The following PCDHGA4 variants were observed in gnomAD, a reference collection of about 807,000 sequenced individuals.
The protein encoded by PCDHGA4 is protocadherin gamma-A4.
PCDHGA4 carries 38 observed loss-of-function variants against 54.6 expected under a neutral mutation model. The ratio of observed to expected loss-of-function variants is 0.70; its 90% CI spans 0.54 to 0.91. The LOEUF (loss-of-function observed/expected upper bound fraction) is 0.91. PCDHGA4 is among the 40% of genes least tolerant of loss of function. PCDHGA4 has a pLI of 0.00. For synonymous variants in PCDHGA4, 511 were observed against 512.9 expected, an observed-to-expected ratio of 1.00 and a Z score of 0.05; for missense variants, 1,298 against 1,220.9, an observed-to-expected ratio of 1.06 and a Z score of -0.94.
At chr5:141,439,183 ACT>A (rs1255299140) in intron 1 of PCDHGA4, among the ~76,000 whole-genome samples, 3 of 145,262 alleles carry the variant, frequency 2.1e-5, no homozygotes, top group Non-Finnish European at 3.0e-5. Context: ...ACATAGTGAG[ACT>A]CTGACAAAAA....
intron 1 of PCDHGA4, chr5:141,389,157 C>G: frequency 6.2e-7 from 1 of 1,613,976 alleles, no homozygotes; most frequent in African/African-American, 1.3e-5. Flanking sequence ...GGCAACAGAT[C>G]GGGGCAAGCC....
At chr5:141,373,462 G>C (rs1769608771) in intron 1 of PCDHGA4, among the ~76,000 whole-genome samples, 1 of 152,218 alleles carries the variant, frequency 6.6e-6, no homozygotes, top group African/African-American at 2.4e-5. Context: ...GGTAGCAGCT[G>C]CAATGAGCTA....
At chr5:141,385,488 T>G in intron 1 of PCDHGA4, 1 of 1,400,248 alleles carries the variant, frequency 7.1e-7, no homozygotes, top group Non-Finnish European at 9.3e-7. Flanking sequence ...ATAGAACACA[T>G]AGGATATAGT....
intron 1 of PCDHGA4, chr5:141,409,600 G>T (rs778681839): frequency 6.8e-6 from 11 of 1,613,882 alleles, no homozygotes; most frequent in Admixed American, 1.7e-5. Flanking sequence ...AGAACAACCC[G>T]CCAGGAGCCT....
intron 1 of PCDHGA4, among the ~76,000 whole-genome samples, chr5:141,405,943 CATA>C (rs1017424287): frequency 6.6e-6 from 1 of 152,106 alleles, no homozygotes; most frequent in Non-Finnish European, 1.5e-5. Flanking sequence ...TTCATGTTCT[CATA>C]ATAATTAACC....
chr5:141,360,291 G>A (rs1221790863), intron 1 of PCDHGA4: 2 of 1,613,874 alleles, frequency 1.2e-6, no homozygotes, highest in African/African-American at 2.7e-5. Context: ...ACCTCGCCAA[G>A]GATCTGGGGC....
intron 1 of PCDHGA4, chr5:141,405,099 T>C: frequency 6.2e-7 from 1 of 1,613,942 alleles, no homozygotes; most frequent in East Asian, 2.2e-5. Flanking sequence ...GCCCTCAGGC[T>C]GAGGCACTGG....
chr5:141,427,151 G>A (rs1481629222), intron 1 of PCDHGA4: 1 of 456,934 alleles, frequency 2.2e-6, no homozygotes, highest in Admixed American at 2.3e-5. Flanking sequence ...TTGGAAATAT[G>A]TTTGTGCTAG....
intron 1 of PCDHGA4, chr5:141,417,879 A>G (rs2096177010): frequency 7.1e-6 from 11 of 1,559,306 alleles, no homozygotes; most frequent in South Asian, 2.3e-5. Flanking sequence ...AGCTGCGCGC[A>G]GAGGCGCCGG....
rs764919264 is a variant in PCDHGA4, at chr5:141,383,778, T to A, written c.2514+26157T>A. 2.5e-6 allele frequency: 4 copies of A among 1,614,004 alleles called. No individual in the cohort carries two copies. The South Asian group carries it at 4.4e-5, about 18-fold the overall frequency. ...CTCCTAAACTTCCAAAGATGTTTCA[T>A]CTGAACTCGCTTACAGGAGAAATAT... is the stretch of plus-strand genomic sequence containing the variant. On this transcript the variant is annotated intron_variant, in intron 1 of 3. Coordinates refer to ENST00000571252, the MANE Select transcript of PCDHGA4 (RefSeq NM_018917.4).
At chr5:141,384,214 T>A in intron 1 of PCDHGA4, 1 of 1,613,874 alleles carries the variant, frequency 6.2e-7, no homozygotes, top group Non-Finnish European at 8.5e-7. Flanking sequence ...AACTCACATA[T>A]TCATGCAGGT....
chr5:141,370,033 T>C (rs887540311), intron 1 of PCDHGA4, among the ~76,000 whole-genome samples: 10 of 152,232 alleles, frequency 6.6e-5, no homozygotes, highest in African/African-American at 2.4e-4. Context: ...ATATAGTAAG[T>C]ATATTTAATG....
rs1405589878 is a variant in PCDHGA4 at position 141,504,323 on chromosome 5, T to A, written c.2574-1070T>A. On this transcript the variant is annotated intron_variant, in intron 2 of 3. Transcript: ENST00000571252. ...CACTCGGAGTTTCTAAAAGTCTCAC[T>A]TAGGTCCAAGTGCTAGGCTTTGTGC... Among the ~76,000 whole-genome samples, 4 of 152,114 alleles carry A rather than the reference T, an allele frequency of 2.6e-5. No individual in the cohort carries two copies. In the East Asian group the frequency reaches 7.7e-4, roughly 29 times the overall value.
In PCDHGA4 at chr5:141,409,398, A is replaced by G. The variant is rs186373896; in HGVS notation, c.2514+51777A>G. On this transcript the variant is annotated intron_variant, in intron 1 of 3. Transcript: ENST00000571252. Reference sequence around the variant, plus strand: ...CCATTCAAGATTTATTCTTCTTCCAATAACTACTACAAACTGGTGACAGAT... The same window carrying G: ...CCATTCAAGATTTATTCTTCTTCCAGTAACTACTACAAACTGGTGACAGAT... 9.6e-5 allele frequency: 155 copies of G among 1,614,050 alleles called. No individual in the cohort carries two copies. In the African/African-American group the frequency reaches 1.5e-3, roughly 16 times the overall value.
intron 1 of PCDHGA4, chr5:141,360,076 T>G (rs890042967): frequency 6.8e-7 from 1 of 1,480,000 alleles, no homozygotes; most frequent in African/African-American, 1.4e-5. Context: ...TTAGCCCGGA[T>G]TCTGCCATCC....
At position 141,430,895 on chromosome 5, in the gene PCDHGA4, G is replaced by A. The variant is rs775296800; in HGVS notation, c.2515-63912G>A. 6.9e-6 allele frequency: 11 copies of A among 1,605,692 alleles called. No individual in the cohort carries two copies. The Admixed American group carries it at 1.0e-4, about 15-fold the overall frequency. ...AGAGCTGGAGAAAGGCTCTAGGGTG[G>A]GCGACATCTCCAGGGACCTGGGGCT... On this transcript the variant is annotated intron_variant, in intron 1 of 3. Coordinates refer to ENST00000571252, the MANE Select transcript of PCDHGA4 (RefSeq NM_018917.4).
intron 1 of PCDHGA4, chr5:141,409,291 A>G: frequency 6.2e-7 from 1 of 1,614,000 alleles, no homozygotes; most frequent in Non-Finnish European, 8.5e-7. Context: ...CACCTCCAGG[A>G]ATGGTTGTTG....
At position 141,491,093 on chromosome 5, in the gene PCDHGA4, T is replaced by G; in HGVS notation, c.2515-3714T>G. The G allele has an allele frequency of 6.2e-7, 1 of 1,614,160 alleles. No individual in the cohort carries two copies. The highest frequency in any genetic ancestry group is 8.5e-7 in the Non-Finnish European group (1 of 1,180,008). On this transcript the variant is annotated intron_variant, in intron 1 of 3. Transcript: ENST00000571252. This position sits in a 1 kb window ranked among gnomAD's most constrained non-coding sequence, Gnocchi z 6.9. ...TTGCCACAGTCCACAGCCCCAGGAC[T>G]GTTCCTCGTGTCTACACACACTGGT... is the stretch of plus-strand genomic sequence containing the variant.
At position 141,355,783 on chromosome 5, in the gene PCDHGA4, G is replaced by C; in HGVS notation, c.676G>C (p.Val226Leu). Reference protein sequence around the residue: ...GADGIKYPELVLERALDREEE... With the variant: ...GADGIKYPELLLERALDREEE... Reference sequence around the variant, plus strand: ...CGATGGGATTAAGTACCCAGAGCTGGTGCTGGAACGCGCTCTAGATCGCGA... The same window carrying C: ...CGATGGGATTAAGTACCCAGAGCTGCTGCTGGAACGCGCTCTAGATCGCGA... Residue 226 changes from valine (V) to leucine (L), a missense_variant, in exon 1 of 4, where the codon GTG (valine) becomes CTG (leucine). Val to Leu is a conservative substitution (Grantham distance 32, BLOSUM62 1). Transcript: ENST00000571252. 1 of 1,613,802 alleles carries C rather than the reference G, an allele frequency of 6.2e-7. No homozygotes were observed. Among genetic ancestry groups the C allele is most frequent in the Non-Finnish European group, 8.5e-7 (1 of 1,179,806 alleles).
Sources: gnomAD v4.1 joint callset for allele counts (sites outside exome capture counted in the v4.1 genomes callset) on GRCh38, gnomAD v4.1.1 for gene constraint, Gnocchi (gnomAD v3.1) non-coding constraint, MANE v1.5 for transcripts, NCBI Gene and HGNC (gene_info 2026-07-23, HGNC 2026-07-21) for gene names.